Variants in GALNT16 observed in about 807,000 individuals in gnomAD.
GALNT16 encodes the protein UDP-GalNAc:polypeptide N-acetylgalactosaminyltransferase-like protein 1.
Under a neutral mutation model 76.1 loss-of-function variants are expected in GALNT16, and 40 were observed. The ratio of observed to expected loss-of-function variants is 0.53; its 90% CI spans 0.41 to 0.68. The LOEUF is 0.68. Among genes scored for constraint, GALNT16 ranks in the 30% least tolerant of loss-of-function variants. The pLI, the probability that GALNT16 is intolerant of heterozygous loss-of-function variation, is 0.00. For missense variants in GALNT16, 621 were observed against 731.9 expected (o/e 0.85, Z 1.75); for synonymous variants, 276 against 285.2 (o/e 0.97, Z 0.32).
intron 1 of GALNT16, among the ~76,000 whole-genome samples, chr14:69,320,069 G>A (rs2045154408): frequency 6.7e-6 from 1 of 149,290 alleles, no homozygotes; most frequent in Non-Finnish European, 1.5e-5. Flanking sequence ...TAGAGGTCTG[G>A]TGCACTCCAG....
At chr14:69,282,629 G>A (rs2044559229) in intron 1 of GALNT16, among the ~76,000 whole-genome samples, 1 of 151,146 alleles carries the variant, frequency 6.6e-6, no homozygotes, top group South Asian at 2.1e-4. Flanking sequence ...TCTGCTCTAA[G>A]TGCAGGCTTA....
chr14:69,369,490 G>A, the GALNT16 span, among the ~76,000 whole-genome samples: 3 of 152,172 alleles, frequency 2.0e-5, no homozygotes, highest in African/African-American at 2.4e-5. Flanking sequence ...TGCTTTGGAT[G>A]GGGTCCATGA....
intron 1 of GALNT16, among the ~76,000 whole-genome samples, chr14:69,284,913 A>T: frequency 6.6e-6 from 1 of 151,788 alleles, no homozygotes; most frequent in African/African-American, 2.4e-5. Flanking sequence ...CTCTCCTGCC[A>T]CCCTGTGAAG....
At position 69,311,246 on chromosome 14, in the gene GALNT16, G is replaced by T. The variant is rs1268018203; in HGVS notation, c.178-9465G>T. 2.6e-5 allele frequency among the ~76,000 whole-genome samples: 4 copies of T among 152,338 alleles called. No homozygotes were observed. In the East Asian group the frequency reaches 7.7e-4, roughly 29 times the overall value. Reference sequence around the variant, plus strand: ...TGGTACCTTGTTGCTGTGTATTCCAGAGGGGACAAATGCTGTGTCCTCGTA... The same window carrying T: ...TGGTACCTTGTTGCTGTGTATTCCATAGGGGACAAATGCTGTGTCCTCGTA... On this transcript the variant is annotated intron_variant, in intron 1 of 14. Coordinates refer to ENST00000448469, the MANE Select transcript of GALNT16 (RefSeq NM_001168368.2).
At chr14:69,345,318 G>T (rs1478191598) in intron 12 of GALNT16, among the ~76,000 whole-genome samples, 1 of 152,174 alleles carries the variant, frequency 6.6e-6, no homozygotes, top group Non-Finnish European at 1.5e-5. Flanking sequence ...AGGGAGTCTG[G>T]AGAGGCACAG....
the GALNT16 span, among the ~76,000 whole-genome samples, chr14:69,374,250 A>G: frequency 6.6e-6 from 1 of 152,074 alleles, no homozygotes; most frequent in African/African-American, 2.4e-5. Context: ...TTTCAGTGTT[A>G]TGCTTGTTAC....
In GALNT16 at chr14:69,325,975, A is replaced by G. The variant is rs548812882; in HGVS notation, c.516A>G (p.Leu172=). The change falls in exon 5 of 15, where the codon CTA becomes CTG. Residue 172 remains leucine (L), a synonymous_variant. Transcript: ENST00000448469. ...DDFSSDPEDC[L]LLTRIPKVKC... is the part of the protein sequence containing the mutation. ...TTGCATCCTCAGCGGAAGACTGTCTACTCCTGACCAGGATCCCCAAGGTCA... is the reference window on the plus strand; with the variant it reads ...TTGCATCCTCAGCGGAAGACTGTCTGCTCCTGACCAGGATCCCCAAGGTCA... The G allele has an allele frequency of 1.5e-5, 24 of 1,613,742 alleles. No homozygotes were observed. In the Admixed American group the frequency reaches 3.2e-4, roughly 21 times the overall value.
At chr14:69,365,882 A>G in the GALNT16 span, among the ~76,000 whole-genome samples, 1 of 152,244 alleles carries the variant, frequency 6.6e-6, no homozygotes, top group African/African-American at 2.4e-5. Context: ...GCGACACAGC[A>G]GTAGACAACA....
chr14:69,351,842 T>C (rs1419840709), intron 14 of GALNT16, 189 bp from the exon 15 acceptor site: 3 of 531,936 alleles, frequency 5.6e-6, no homozygotes, highest in Non-Finnish European at 9.8e-6. Context: ...AACTCAGGAG[T>C]TCGAGGCTGC....
At position 69,339,593 on chromosome 14, in the gene GALNT16, C is replaced by G; in HGVS notation, c.1161C>G (p.Pro387=). The change falls in exon 11 of 15, where the codon CCC becomes CCG. Residue 387 remains proline (P), a synonymous_variant. Coordinates refer to ENST00000448469, the MANE Select transcript of GALNT16 (RefSeq NM_001168368.2). The stretch of plus-strand genomic sequence containing the variant: ...AGCAATACTACTATGAGGCCCGGCC[C>G]TCGGCCATCGGGAAGGCCTTCGGCA... The part of the protein sequence containing the change: ...EYKQYYYEAR[P]SAIGKAFGSV... The G allele has an allele frequency of 6.2e-7, 1 of 1,609,426 alleles. No individual in the cohort carries two copies. Among genetic ancestry groups the G allele is most frequent in the Non-Finnish European group, 8.5e-7 (1 of 1,177,058 alleles).
chr14:69,269,683 G>A (rs2044382746), intron 1 of GALNT16, among the ~76,000 whole-genome samples: 19 of 148,748 alleles, frequency 1.3e-4, no homozygotes, highest in Admixed American at 1.3e-3. Flanking sequence ...GTGTGTGTGT[G>A]ATGTGGGGTT....
the GALNT16 span, among the ~76,000 whole-genome samples, chr14:69,379,697 C>G: frequency 5.3e-5 from 8 of 152,146 alleles, no homozygotes; most frequent in African/African-American, 9.7e-5. Context: ...ACAAGACTAT[C>G]TTACACTTTT....
At chr14:69,376,942 AGTTGGG>A in the GALNT16 span, among the ~76,000 whole-genome samples, 2 of 152,170 alleles carry the variant, frequency 1.3e-5, no homozygotes, top group Non-Finnish European at 2.9e-5. Flanking sequence ...GAAGCTTCTA[AGTTGGG>A]GTAGCTCTTG....
intron 9 of GALNT16, among the ~76,000 whole-genome samples, chr14:69,337,825 C>T (rs1211537890): frequency 6.6e-6 from 1 of 152,122 alleles, no homozygotes; most frequent in African/African-American, 2.4e-5. Flanking sequence ...ACCAGCTATG[C>T]CACGTGAGAG....
chr14:69,370,315 T>C, the GALNT16 span, among the ~76,000 whole-genome samples: 1 of 152,150 alleles, frequency 6.6e-6, no homozygotes. Context: ...GTGGCCCAAA[T>C]ATGCCCTGCT....
chr14:69,275,036 C>G (rs548777897), intron 1 of GALNT16, among the ~76,000 whole-genome samples: 49 of 152,292 alleles, frequency 3.2e-4, no homozygotes, highest in Middle Eastern at 3.4e-3. Context: ...TCTTAGTTCC[C>G]TTATCTCTTC....
intron 7 of GALNT16, among the ~76,000 whole-genome samples, chr14:69,332,802 T>C (rs1221057229): frequency 6.6e-6 from 1 of 150,828 alleles, no homozygotes; most frequent in Non-Finnish European, 1.5e-5. Flanking sequence ...ATTAATAGTA[T>C]GGGCACTCCT....
At chr14:69,338,893 G>A (rs1473110796) in intron 10 of GALNT16, 116 bp downstream of exon 10, 6 of 802,630 alleles carry the variant, frequency 7.5e-6, no homozygotes, top group Admixed American at 2.8e-5. Flanking sequence ...TTGGGCCTCA[G>A]TTTCCCCATT....
chr14:69,260,596 T>A (rs2044252541), intron 1 of GALNT16, 129 bp downstream of exon 1: 4 of 574,558 alleles, frequency 7.0e-6, no homozygotes, highest in Non-Finnish European at 7.4e-6. Context: ...GCTTTGTATA[T>A]GTTGGAGCAT....
Sources: gnomAD v4.1 joint callset for allele counts (sites outside exome capture counted in the v4.1 genomes callset) on GRCh38, gnomAD v4.1.1 for gene constraint, MANE v1.5 for transcripts, NCBI Gene and HGNC (gene_info 2026-07-23, HGNC 2026-07-21) for gene names.